PCDHGA4: variants seen among roughly 807,000 people sequenced by gnomAD.
PCDHGA4 encodes the protein protocadherin gamma-A4.
In PCDHGA4, 38 loss-of-function variants were observed where a neutral mutation model predicts 54.6. That is an observed-to-expected ratio of 0.70 (90% confidence interval 0.54 to 0.91). The LOEUF (loss-of-function observed/expected upper bound fraction) is 0.91. Among genes scored for constraint, PCDHGA4 ranks in the 40% least tolerant of loss-of-function variants. PCDHGA4 has a pLI of 0.00. For missense variants in PCDHGA4, 1,298 were observed against 1,220.9 expected, an observed-to-expected ratio of 1.06 and a Z score of -0.94; for synonymous variants, 511 against 512.9, an observed-to-expected ratio of 1.00 and a Z score of 0.05.
chr5:141,415,740 G>GTTTTTTTTT (rs57426385), intron 1 of PCDHGA4: 68 of 625,028 alleles, frequency 1.1e-4, no homozygotes, highest in African/African-American at 1.3e-4. Context: ...GTTTATTAAG[G>GTTTTTTTTT]TTTTTTTTTT....
At chr5:141,453,780 C>T (rs1330142662) in intron 1 of PCDHGA4, among the ~76,000 whole-genome samples, 3 of 152,090 alleles carry the variant, frequency 2.0e-5, no homozygotes, top group African/African-American at 4.8e-5. Flanking sequence ...TTTTAGTTAC[C>T]ATGGTATATT....
At position 141,491,681 on chromosome 5, in the gene PCDHGA4, C is replaced by T; in HGVS notation, c.2515-3126C>T. 6.2e-6 allele frequency: 10 copies of T among 1,613,458 alleles called. No homozygotes were observed. Among genetic ancestry groups the T allele is most frequent in the Non-Finnish European group, 8.5e-6 (10 of 1,179,804 alleles). On this transcript the variant is annotated intron_variant, in intron 1 of 3. Transcript: ENST00000571252. The surrounding 1 kb of genome is among the most constrained non-coding windows in gnomAD (Gnocchi z 6.9). ...GACGCCATCCGGTCCCGCTCTAATA[C>T]GCTGCGGGAGCGGAGCCAGGTGAGG...
At chr5:141,466,146 T>C (rs977109086) in intron 1 of PCDHGA4, among the ~76,000 whole-genome samples, 5 of 151,880 alleles carry the variant, frequency 3.3e-5, no homozygotes, top group Non-Finnish European at 7.4e-5. Context: ...GTGAAAACTC[T>C]GGTCTTAAAC....
Position 141,487,893 on chromosome 5 carries a change from G to A in PCDHGA4, c.2515-6914G>A. Reference sequence around the variant, plus strand: ...AGCCAGGCTGTTGTGGAAGCATGATGATGGAATGTGGGAGCACAGGAGGCT... The same window carrying A: ...AGCCAGGCTGTTGTGGAAGCATGATAATGGAATGTGGGAGCACAGGAGGCT... On this transcript the variant is annotated intron_variant, in intron 1 of 3. Coordinates refer to ENST00000571252, the MANE Select transcript of PCDHGA4 (RefSeq NM_018917.4). The surrounding 1 kb of genome is among the most constrained non-coding windows in gnomAD (Gnocchi z 5.0). The A allele has an allele frequency of 1.4e-6, 1 of 731,472 alleles. No individual in the cohort carries two copies. The highest frequency in any genetic ancestry group is 2.2e-6 in the Non-Finnish European group (1 of 450,166). 45.3% of individuals were successfully genotyped at this position (731,472 alleles called of 1,614,324 possible). A position where few individuals can be genotyped will look rare whatever the true frequency, so the allele number is the denominator to read the frequency against.
chr5:141,418,264 A>C, intron 1 of PCDHGA4: 1 of 1,614,082 alleles, frequency 6.2e-7, no homozygotes, highest in Non-Finnish European at 8.5e-7. Flanking sequence ...AATTCCGGAA[A>C]GATGAAATAA....
intron 1 of PCDHGA4, chr5:141,394,624 T>C (rs542816387): frequency 6.2e-7 from 1 of 1,613,110 alleles, no homozygotes; most frequent in African/African-American, 1.3e-5. Flanking sequence ...AACGCCTGGC[T>C]GTCCTACCGC....
chr5:141,485,887 C>T lies in PCDHGA4; in HGVS notation c.2515-8920C>T. 1 of 1,614,098 alleles carries T rather than the reference C, an allele frequency of 6.2e-7. No homozygotes were observed. On this transcript the variant is annotated intron_variant, in intron 1 of 3. Transcript: ENST00000571252. The surrounding 1 kb of genome is among the most constrained non-coding windows in gnomAD (Gnocchi z 5.7). ...TATCCGTGCTGGACGTAAACGACAA[C>T]GCCCCAGCCTTCCAGCAATCCAGCT...
chr5:141,401,017 T>C (rs2094103677), intron 1 of PCDHGA4, among the ~76,000 whole-genome samples: 3 of 152,226 alleles, frequency 2.0e-5, no homozygotes, highest in Admixed American at 2.0e-4. Context: ...AATGGATTTA[T>C]GATTTTTTGA....
At chr5:141,365,336 A>C in intron 1 of PCDHGA4, 1 of 1,613,998 alleles carries the variant, frequency 6.2e-7, no homozygotes, top group South Asian at 1.1e-5. Flanking sequence ...GGTGGTGGTC[A>C]CAGTACAGGA....
At chr5:141,364,626 G>A (rs1188040280) in intron 1 of PCDHGA4, 1 of 1,614,162 alleles carries the variant, frequency 6.2e-7, no homozygotes, top group East Asian at 2.2e-5. Flanking sequence ...TGCGCTCAGA[G>A]CCCACTGTGT....
intron 1 of PCDHGA4, chr5:141,484,904 C>A: frequency 2.5e-6 from 1 of 405,682 alleles, no homozygotes; most frequent in Non-Finnish European, 4.4e-6. Context: ...TCCAATGCTG[C>A]GACGCATTAA....
At position 141,431,510 on chromosome 5, in the gene PCDHGA4, G is replaced by T; in HGVS notation, c.2515-63297G>T. On this transcript the variant is annotated intron_variant, in intron 1 of 3. Transcript: ENST00000571252. The surrounding 1 kb of genome is among the most constrained non-coding windows in gnomAD (Gnocchi z 4.8). ...TGCTCAGCCCGAGTACCGCGCGAGC[G>T]TTCCGGAGAATCTGGCCTTGGGCAC... 1 of 1,614,022 alleles carries T rather than the reference G, an allele frequency of 6.2e-7. No individual in the cohort carries two copies. Among genetic ancestry groups the T allele is most frequent in the Non-Finnish European group, 8.5e-7 (1 of 1,180,026 alleles).
chr5:141,415,522 C>T, intron 1 of PCDHGA4: 1 of 1,614,178 alleles, frequency 6.2e-7, no homozygotes, highest in African/African-American at 1.3e-5. Flanking sequence ...TGCGGACACG[C>T]TCATCAGCCA....
intron 1 of PCDHGA4, among the ~76,000 whole-genome samples, chr5:141,381,798 CTCTTTCTT>C (rs372235829): frequency 6.9e-5 from 10 of 144,174 alleles, no homozygotes; most frequent in South Asian, 6.6e-4. Flanking sequence ...AGGCAATTCC[CTCTTTCTT>C]TCTTTCTTTC....
rs768367034 is a variant in PCDHGA4 at position 141,360,834 on chromosome 5, G to A, written c.2514+3213G>A. On this transcript the variant is annotated intron_variant, in intron 1 of 3. Transcript: ENST00000571252. ...CGACCCAAATCCGAATCAAAGTCAC[G>A]GATGCCAACGATAACCCTCCAGTGT... 5 of 1,613,800 alleles carry A rather than the reference G, an allele frequency of 3.1e-6. No individual in the cohort carries two copies. The African/African-American group carries it at 6.7e-5, about 22-fold the overall frequency.
At chr5:141,409,290 G>A in intron 1 of PCDHGA4, 1 of 1,613,974 alleles carries the variant, frequency 6.2e-7, no homozygotes. Context: ...TCACCTCCAG[G>A]AATGGTTGTT....
At chr5:141,471,215 A>G (rs1562030197) in intron 1 of PCDHGA4, 1 of 149,038 alleles carries the variant, frequency 6.7e-6, no homozygotes, top group Non-Finnish European at 1.5e-5. Context: ...ATGCCTGGCA[A>G]TTTTTTTGTA....
chr5:141,418,411 C>T, intron 1 of PCDHGA4: 1 of 1,613,986 alleles, frequency 6.2e-7, no homozygotes, highest in East Asian at 2.2e-5. Flanking sequence ...TGGAGAAAGA[C>T]AATCCTGATG....
chr5:141,508,725 G>C (rs1447443196), intron 3 of PCDHGA4, among the ~76,000 whole-genome samples: 1 of 151,788 alleles, frequency 6.6e-6, no homozygotes, highest in Non-Finnish European at 1.5e-5. Flanking sequence ...TGTGCAGGGA[G>C]ACTACACCCC....
Sources: allele counts gnomAD v4.1 joint callset (sites outside exome capture counted in the v4.1 genomes callset), GRCh38; gene constraint gnomAD v4.1.1; non-coding constraint Gnocchi (gnomAD v3.1); transcripts MANE v1.5; gene names NCBI Gene and HGNC (gene_info 2026-07-23, HGNC 2026-07-21).